The following SLC29A2 variants were observed in gnomAD, a reference collection of about 807,000 sequenced individuals.
SLC29A2 encodes the protein solute carrier family 29 member 2.
Under a neutral mutation model 48.8 loss-of-function variants are expected in SLC29A2, and 37 were observed. The observed-to-expected ratio is 0.76, with a 90% CI of 0.58 to 1.00. SLC29A2 has a LOEUF of 1.00. Ranked by LOEUF, SLC29A2 falls within the 50% of genes least tolerant of loss-of-function variation. The pLI, the probability that SLC29A2 is intolerant of heterozygous loss-of-function variation, is 0.00. For missense variants in SLC29A2, 533 were observed against 578.6 expected (o/e 0.92, Z 0.81); for synonymous variants, 233 against 261.7 (o/e 0.89, Z 1.06).
At chr11:66,368,494 C>G (rs542521970) in intron 5 of SLC29A2, 43 bp downstream of exon 5, 1 of 1,612,602 alleles carries the variant, frequency 6.2e-7, no homozygotes, top group Admixed American at 1.7e-5. Flanking sequence ...TTCCCCAAAC[C>G]TCAGAGGCCA....
At position 66,362,969 on chromosome 11, in the gene SLC29A2, G is replaced by T. The variant is rs1855464609; in HGVS notation, c.*467C>A. On this transcript the variant is annotated 3_prime_UTR_variant, in exon 12 of 12. Transcript: ENST00000357440. ...AGCCTGGCCCTTTGAGCACCCTCAG[G>T]TCCTCCACATCTGTTCCTCCTCTCA... 4.0e-6 allele frequency: 1 copy of T among 250,808 alleles called. No individual in the cohort carries two copies. The highest frequency in any genetic ancestry group is 2.2e-5 in the African/African-American group (1 of 44,480). 15.5% of individuals were successfully genotyped at this position (250,808 alleles called of 1,614,324 possible).
chr11:66,370,238 A>G (rs2135014511), intron 2 of SLC29A2, among the ~76,000 whole-genome samples: 1 of 152,260 alleles, frequency 6.6e-6, no homozygotes, highest in Admixed American at 6.5e-5. Context: ...CTCCTCTTCC[A>G]TGAAGCAGAA....
At chr11:66,370,170 C>A (rs1387522001) in intron 2 of SLC29A2, among the ~76,000 whole-genome samples, 1 of 152,230 alleles carries the variant, frequency 6.6e-6, no homozygotes, top group Non-Finnish European at 1.5e-5. Context: ...GCCTGGAATG[C>A]CCTACTGACC....
At chr11:66,370,519 T>C (rs1165607858) in intron 2 of SLC29A2, among the ~76,000 whole-genome samples, 1 of 152,202 alleles carries the variant, frequency 6.6e-6, no homozygotes, top group African/African-American at 2.4e-5. Flanking sequence ...TGCTGTTTCC[T>C]CCTGTGTCCC....
At position 66,371,262 on chromosome 11, in the gene SLC29A2, G is replaced by T. The variant is rs1401519090; in HGVS notation, c.93C>A (p.Phe31Leu). 6.2e-7 allele frequency: 1 copy of T among 1,613,790 alleles called. No individual in the cohort carries two copies. Among genetic ancestry groups the T allele is most frequent in the African/African-American group, 1.3e-5 (1 of 74,938 alleles). ...GTCTCACCGGGATGGCGGTGATGAA[G>T]AAGTTCCAGGGAAGGAGGGTGCCCA... ...LGLGTLLPWN[F>L]FITAIPYFQA... is the part of the protein sequence containing the mutation. The change falls in exon 2 of 12, where the codon TTC (phenylalanine) becomes TTA (leucine). Residue 31 changes from phenylalanine (F) to leucine (L), a missense_variant. Coordinates refer to ENST00000357440, the MANE Select transcript of SLC29A2 (RefSeq NM_001532.3).
intron 8 of SLC29A2, 90 bp from the exon 9 acceptor site, chr11:66,366,321 G>C: frequency 6.2e-7 from 1 of 1,601,192 alleles, no homozygotes; most frequent in African/African-American, 1.3e-5. Flanking sequence ...AGGACACTTG[G>C]GGCCTGGCCC....
upstream of SLC29A2, chr11:66,371,921 C>T (rs974790438): frequency 1.3e-4 from 56 of 421,254 alleles, no homozygotes; most frequent in Non-Finnish European, 2.1e-4. Flanking sequence ...ACAGCCCCTC[C>T]CCGCAGCCCC....
At position 66,366,186 on chromosome 11, in the gene SLC29A2, G is replaced by C; in HGVS notation, c.913C>G (p.Leu305Val). ...GCTGTGATGGCGGGGAAGACGGACA[G>C]GGTGACTGTGAAGACCAACACAAGG... ...LCLVLVFTVT[L>V]SVFPAITAMV... Residue 305 changes from leucine to valine, a missense_variant, in exon 9 of 12, where the codon CTG (leucine) becomes GTG (valine). Transcript: ENST00000357440. The C allele has an allele frequency of 6.2e-6, 10 of 1,614,194 alleles. No individual in the cohort carries two copies. Among genetic ancestry groups the C allele is most frequent in the Non-Finnish European group, 8.5e-6 (10 of 1,180,036 alleles).
At position 66,371,248 on chromosome 11, in the gene SLC29A2, A is replaced by T. The variant is rs752849349; in HGVS notation, c.107T>A (p.Ile36Asn). 1 of 1,613,646 alleles carries T rather than the reference A, an allele frequency of 6.2e-7. No homozygotes were observed. Among genetic ancestry groups the T allele is most frequent in the Non-Finnish European group, 8.5e-7 (1 of 1,179,902 alleles). Residue 36 changes from isoleucine to asparagine, a missense_variant, in exon 2 of 12, where the codon ATC becomes AAC. Transcript: ENST00000357440. ...CCACGCCGCCAGGAGTCTCACCGGG[A>T]TGGCGGTGATGAAGAAGTTCCAGGG... The part of the protein sequence containing the change: ...LLPWNFFITA[I>N]PYFQARLAGA...
chr11:66,371,248 A>C lies in SLC29A2; in HGVS notation c.107T>G (p.Ile36Ser). The C allele has an allele frequency of 6.2e-7, 1 of 1,613,646 alleles. No homozygotes were observed. Among genetic ancestry groups the C allele is most frequent in the East Asian group, 2.2e-5 (1 of 44,872 alleles). Reference sequence around the variant, plus strand: ...CCACGCCGCCAGGAGTCTCACCGGGATGGCGGTGATGAAGAAGTTCCAGGG... The same window carrying C: ...CCACGCCGCCAGGAGTCTCACCGGGCTGGCGGTGATGAAGAAGTTCCAGGG... ...LLPWNFFITA[I>S]PYFQARLAGA... The change falls in exon 2 of 12, where the codon ATC becomes AGC. Residue 36 changes from isoleucine (I) to serine (S), a missense_variant. By Grantham distance (142) the Ile-to-Ser change is moderately radical. Transcript: ENST00000357440.
At chr11:66,366,805 C>T (rs930510652) in intron 7 of SLC29A2, among the ~76,000 whole-genome samples, 4 of 152,102 alleles carry the variant, frequency 2.6e-5, no homozygotes, top group Non-Finnish European at 5.9e-5. Context: ...AAAAATTAGC[C>T]GGGCATGGCA....
At chr11:66,371,500 G>GCGCC in intron 1 of SLC29A2, 63 bp downstream of exon 1, 1 of 1,536,050 alleles carries the variant, frequency 6.5e-7, no homozygotes, top group Non-Finnish European at 8.8e-7. Context: ...GAGCCTCGGA[G>GCGCC]CGCCTTCAGG....
At position 66,362,792 on chromosome 11, in the gene SLC29A2, G is replaced by A. The variant is rs1855456560; in HGVS notation, c.*644C>T. The A allele has an allele frequency of 6.5e-6, 1 of 154,688 alleles. No homozygotes were observed. Among genetic ancestry groups the A allele is most frequent in the East Asian group, 1.9e-4 (1 of 5,228 alleles). The allele number at this position is 154,688 out of a possible 1,614,324, so 9.6% of individuals were successfully genotyped here. ...GACTCCTTCCAAGAGCCTCAATTAG[G>A]CTTCGGTGAGAGAGTGGGTATGGAA... On this transcript the variant is annotated 3_prime_UTR_variant, in exon 12 of 12. Coordinates refer to ENST00000357440, the MANE Select transcript of SLC29A2 (RefSeq NM_001532.3).
intron 7 of SLC29A2, 72 bp from the exon 8 acceptor site, chr11:66,366,636 G>C: frequency 6.5e-7 from 1 of 1,542,934 alleles, no homozygotes; most frequent in Non-Finnish European, 8.9e-7. Context: ...CCAACGAAGG[G>C]AGATTCCCAG....
rs1855837289 is a variant in SLC29A2 at position 66,368,520 on chromosome 11, CA to C, written c.550+16del. The C allele has an allele frequency of 6.2e-7, 1 of 1,613,350 alleles. No individual in the cohort carries two copies. The highest frequency in any genetic ancestry group is 8.5e-7 in the Non-Finnish European group (1 of 1,179,974). On this transcript the variant is annotated intron_variant, in intron 5 of 11. Coordinates refer to ENST00000357440, the MANE Select transcript of SLC29A2 (RefSeq NM_001532.3). ...TCAGAGGCCACCCCAGCCCTCCAGC[CA>C]CCCAAGTGCACTCACTGGCCATGGA... is the stretch of plus-strand genomic sequence containing the variant.
intron 10 of SLC29A2, 165 bp from the exon 11 acceptor site, chr11:66,364,589 C>T: frequency 1.7e-6 from 1 of 590,628 alleles, no homozygotes; most frequent in Non-Finnish European, 3.0e-6. Context: ...ACTGCAACCT[C>T]CACCTCCTGG....
At chr11:66,372,401 G>T (rs566138177), upstream of SLC29A2, among the ~76,000 whole-genome samples, 2 of 152,336 alleles carry the variant, frequency 1.3e-5, no homozygotes, top group Non-Finnish European at 2.9e-5. Flanking sequence ...CAATCCCCGG[G>T]CGTATCGGGG....
At chr11:66,364,028 G>A (rs955815878) in intron 11 of SLC29A2, among the ~76,000 whole-genome samples, 197 bp downstream of exon 11, 1 of 152,146 alleles carries the variant, frequency 6.6e-6, no homozygotes, top group Non-Finnish European at 1.5e-5. Context: ...TTGGTTGGGC[G>A]GGTACCTCCC....
chr11:66,366,974 A>G (rs1201571403), intron 7 of SLC29A2, among the ~76,000 whole-genome samples: 2 of 152,110 alleles, frequency 1.3e-5, no homozygotes, highest in African/African-American at 4.8e-5. Context: ...CCCCAAAACA[A>G]AAAAAGGTGA....
Sources: allele counts gnomAD v4.1 joint callset (sites outside exome capture counted in the v4.1 genomes callset), GRCh38; gene constraint gnomAD v4.1.1; transcripts MANE v1.5; gene names NCBI Gene and HGNC (gene_info 2026-07-23, HGNC 2026-07-21).